Variants in NFXL1 observed in about 807,000 individuals in gnomAD.
NFXL1 encodes the protein NF-X1-type zinc finger protein NFXL1.
NFXL1 carries 66 observed loss-of-function variants against 123.3 expected under a neutral mutation model. That is an observed-to-expected ratio of 0.54 (90% CI 0.44 to 0.66). The LOEUF is 0.66. Among genes scored for constraint, NFXL1 ranks in the 30% least tolerant of loss-of-function variants. The probability of loss-of-function intolerance (pLI) is 0.00; values close to 1 mark genes in which losing one functional copy is unlikely to be tolerated. For synonymous variants in NFXL1, 346 were observed against 360.8 expected, an observed-to-expected ratio of 0.96 and a Z score of 0.46; for missense variants, 944 against 1,125.6, an observed-to-expected ratio of 0.84 and a Z score of 2.31.
intron 11 of NFXL1, among the ~76,000 whole-genome samples, chr4:47,892,604 A>G (rs1053270497): frequency 1.3e-5 from 2 of 152,228 alleles, no homozygotes; most frequent in East Asian, 3.9e-4. Flanking sequence ...CATCAAGTAG[A>G]GTACTTAGAA....
At chr4:47,861,380 G>A (rs1237937870) in intron 19 of NFXL1, among the ~76,000 whole-genome samples, 1 of 152,150 alleles carries the variant, frequency 6.6e-6, no homozygotes, top group Non-Finnish European at 1.5e-5. Flanking sequence ...AGCCCAAGGA[G>A]ATCTAGCAAT....
intron 12 of NFXL1, among the ~76,000 whole-genome samples, chr4:47,887,744 A>C (rs1736525973): frequency 6.6e-6 from 1 of 152,192 alleles, no homozygotes; most frequent in African/African-American, 2.4e-5. Flanking sequence ...TTGTTATTCT[A>C]AACAACAGTA....
intron 12 of NFXL1, among the ~76,000 whole-genome samples, chr4:47,888,796 T>G (rs983267636): frequency 1.2e-4 from 19 of 152,208 alleles, no homozygotes; most frequent in Admixed American, 1.1e-3. Flanking sequence ...TAAAAGACTT[T>G]AGAGACAAAA....
At position 47,875,107 on chromosome 4, in the gene NFXL1, T is replaced by C. The variant is rs543166276; in HGVS notation, c.2246+20A>G. ...TCAACTAATTGTAATAAAATAAGAC[T>C]TTTTTTTCAGTCTACTTACCTACAT... On this transcript the variant is annotated intron_variant, in intron 18 of 22. Transcript: ENST00000507489. 4.4e-4 allele frequency: 673 copies of C among 1,516,984 alleles called. 2 individuals carry two copies. In the South Asian group the frequency reaches 7.4e-3, roughly 17 times the overall value. 94.0% of individuals were successfully genotyped at this position (1,516,984 alleles called of 1,614,324 possible).
rs1370391525 is a variant in NFXL1 at position 47,899,061 on chromosome 4, G to A, written c.886C>T (p.Pro296Ser). Residue 296 changes from proline (P) to serine (S), a missense_variant, in exon 7 of 23, where the codon CCT (proline) becomes TCT (serine). Around this residue, in one of 4 missense-constraint regions of NFXL1, gnomAD observed 296 missense variants for 395.1 expected, o/e 0.75. Coordinates refer to ENST00000507489, the MANE Select transcript of NFXL1 (RefSeq NM_001278624.2). ...TTGGCACTGCACCTACGAGGGATAGGTTTTGCTTTCTTACAGTAACAAGTA... is the reference window on the plus strand; with the variant it reads ...TTGGCACTGCACCTACGAGGGATAGATTTTGCTTTCTTACAGTAACAAGTA... ...TTTCYCKKAK[P>S]IPRRCSAKEW... 13 of 1,604,138 alleles carry A rather than the reference G, an allele frequency of 8.1e-6. No individual in the cohort carries two copies. Among genetic ancestry groups the A allele is most frequent in the Non-Finnish European group, 1.0e-5 (12 of 1,175,954 alleles).
chr4:47,851,005 C>A (rs1000316337), intron 22 of NFXL1, 90 bp downstream of exon 22: 2 of 921,392 alleles, frequency 2.2e-6, no homozygotes, highest in Non-Finnish European at 3.6e-6. Flanking sequence ...AGAGACTAGA[C>A]CTTAGTTTGA....
chr4:47,862,163 C>T (rs1470316132), intron 19 of NFXL1, among the ~76,000 whole-genome samples: 1 of 152,210 alleles, frequency 6.6e-6, no homozygotes, highest in Non-Finnish European at 1.5e-5. Context: ...CAGGATAAAT[C>T]ACTAGTGAGT....
At chr4:47,861,666 A>G (rs1734777356) in intron 19 of NFXL1, among the ~76,000 whole-genome samples, 1 of 152,232 alleles carries the variant, frequency 6.6e-6, no homozygotes, top group African/African-American at 2.4e-5. Context: ...GAATAATTCA[A>G]AAAATTAAAT....
intron 3 of NFXL1, among the ~76,000 whole-genome samples, chr4:47,906,173 T>C (rs1442134102): frequency 6.6e-6 from 1 of 152,184 alleles, no homozygotes; most frequent in African/African-American, 2.4e-5. Flanking sequence ...ATGAGTCCTC[T>C]AAAGCACAAA....
At chr4:47,891,241 A>T (rs997713048) in intron 11 of NFXL1, among the ~76,000 whole-genome samples, 4 of 151,228 alleles carry the variant, frequency 2.6e-5, no homozygotes, top group Non-Finnish European at 4.4e-5. Context: ...CCTTCTGAGT[A>T]CCTAGTTCTA....
At chr4:47,903,437 A>G in intron 4 of NFXL1, 114 bp from the exon 5 acceptor site, 2 of 574,836 alleles carry the variant, frequency 3.5e-6, no homozygotes, top group South Asian at 5.7e-5. Context: ...AGGATTAAAG[A>G]AAAAAGGTCT....
intron 12 of NFXL1, among the ~76,000 whole-genome samples, chr4:47,888,310 A>G (rs1049445581): frequency 6.6e-6 from 1 of 152,124 alleles, no homozygotes; most frequent in African/African-American, 2.4e-5. Context: ...ATTTTCACAT[A>G]CCCACAACAC....
rs142503718 is a variant in NFXL1, at chr4:47,849,093, A to T, written c.2563-757T>A. Among the ~76,000 whole-genome samples the T allele has an allele frequency of 7.2e-3, 1,095 of 152,282 alleles. 3 individuals carry two copies. The highest frequency in any genetic ancestry group is 0.012 in the Admixed American group (180 of 15,300). ...AATTCTAGTTGTTTACAATGCATGC[A>T]ATAAACATTAGTGGCTTTTAAGAAA... On this transcript the variant is annotated intron_variant, in intron 22 of 22. Transcript: ENST00000507489.
intron 11 of NFXL1, among the ~76,000 whole-genome samples, chr4:47,892,927 G>T (rs1736860548): frequency 6.6e-6 from 1 of 152,040 alleles, no homozygotes. Context: ...GACAGAATTA[G>T]TACACAGGGA....
At chr4:47,865,560 G>A (rs1251006807) in intron 18 of NFXL1, among the ~76,000 whole-genome samples, 1 of 151,026 alleles carries the variant, frequency 6.6e-6, no homozygotes, top group East Asian at 1.9e-4. Flanking sequence ...TAGAGCTAGT[G>A]GAGTTCTGAA....
At chr4:47,868,470 G>T (rs1269214466) in intron 18 of NFXL1, among the ~76,000 whole-genome samples, 2 of 149,144 alleles carry the variant, frequency 1.3e-5, no homozygotes, top group Non-Finnish European at 3.0e-5. Context: ...CTCACTGATT[G>T]TCATACAGTC....
intron 11 of NFXL1, among the ~76,000 whole-genome samples, chr4:47,891,931 C>T (rs796506509): frequency 3.3e-5 from 5 of 149,850 alleles, no homozygotes; most frequent in South Asian, 2.1e-4. Flanking sequence ...AGTAAGACTC[C>T]GTCTCAAAAA....
intron 21 of NFXL1, 30 bp from the exon 22 acceptor site, chr4:47,851,178 C>G (rs1029633995): frequency 6.6e-7 from 1 of 1,507,354 alleles, no homozygotes; most frequent in African/African-American, 1.4e-5. Context: ...AGTCAATTTA[C>G]AATTTAGTCA....
At chr4:47,872,891 G>A (rs1393733956) in intron 18 of NFXL1, among the ~76,000 whole-genome samples, 1 of 152,124 alleles carries the variant, frequency 6.6e-6, no homozygotes, top group Admixed American at 6.5e-5. Context: ...TTCCTTTCAG[G>A]AAGATTTCTC....
Sources: gnomAD v4.1 joint callset for allele counts (sites outside exome capture counted in the v4.1 genomes callset) on GRCh38, gnomAD v4.1.1 for gene constraint, gnomAD v4.1.1 regional missense constraint, MANE v1.5 for transcripts, NCBI Gene and HGNC (gene_info 2026-07-23, HGNC 2026-07-21) for gene names.